The following TBCA variants were observed in gnomAD, a reference collection of about 807,000 sequenced individuals.
TBCA encodes tubulin folding cofactor A, also known as tubulin-specific chaperone A.
In TBCA, 6 loss-of-function variants were observed where a neutral mutation model predicts 15.8. The observed-to-expected ratio is 0.38, with a 90% confidence interval of 0.21 to 0.75. The LOEUF is 0.75. Ranked by LOEUF, TBCA falls within the 30% of genes least tolerant of loss-of-function variation. The pLI, the probability that TBCA is intolerant of heterozygous loss-of-function variation, is 0.46. For synonymous variants in TBCA, 32 were observed against 42.3 expected, an observed-to-expected ratio of 0.76 and a Z score of 0.94; for missense variants, 90 against 131.2, an observed-to-expected ratio of 0.69 and a Z score of 1.53.
chr5:77,735,748 C>T (rs1746885893), intron 1 of TBCA, among the ~76,000 whole-genome samples: 2 of 152,118 alleles, frequency 1.3e-5, no homozygotes, highest in Admixed American at 6.6e-5. Context: ...CTTAATTTGT[C>T]CTTCATTCAC....
chr5:77,760,885 G>A (rs372181717), intron 1 of TBCA, among the ~76,000 whole-genome samples: 99 of 150,524 alleles, frequency 6.6e-4, no homozygotes, highest in African/African-American at 1.3e-3. Flanking sequence ...GCCACCCATC[G>A]TCTGGGATGT....
At chr5:77,758,033 G>A (rs1747516952) in intron 1 of TBCA, among the ~76,000 whole-genome samples, 1 of 152,188 alleles carries the variant, frequency 6.6e-6, no homozygotes, top group Non-Finnish European at 1.5e-5. Flanking sequence ...ATCAGGAGCA[G>A]AAGTTTATTA....
chr5:77,696,421 A>C (rs903394346), intron 2 of TBCA, among the ~76,000 whole-genome samples: 3 of 152,124 alleles, frequency 2.0e-5, no homozygotes, highest in Non-Finnish European at 4.4e-5. Flanking sequence ...GAAGAATCTT[A>C]AGTCAAAGAA....
intron 2 of TBCA, among the ~76,000 whole-genome samples, chr5:77,704,547 C>T (rs184966411): frequency 4.1e-4 from 63 of 152,260 alleles, no homozygotes; most frequent in African/African-American, 1.5e-3. Context: ...CCACAAAATG[C>T]AGCACTTGGC....
At chr5:77,710,767 T>C (rs1468114923) in intron 1 of TBCA, among the ~76,000 whole-genome samples, 1 of 152,212 alleles carries the variant, frequency 6.6e-6, no homozygotes, top group East Asian at 1.9e-4. Flanking sequence ...CACTTGGCCT[T>C]TGCACGCCTT....
chr5:77,717,838 A>G (rs1433073826), intron 1 of TBCA, among the ~76,000 whole-genome samples: 1 of 135,230 alleles, frequency 7.4e-6, no homozygotes, highest in Non-Finnish European at 1.6e-5. Context: ...GTCTCAAAAG[A>G]AAAAAAAAAG....
chr5:77,738,367 CTAAG>C (rs1394896107), intron 1 of TBCA, among the ~76,000 whole-genome samples: 1 of 152,102 alleles, frequency 6.6e-6, no homozygotes, highest in African/African-American at 2.4e-5. Context: ...ATATATGGCC[CTAAG>C]TAAGTTACTT....
At chr5:77,734,448 A>G (rs1746847142) in intron 1 of TBCA, among the ~76,000 whole-genome samples, 1 of 152,210 alleles carries the variant, frequency 6.6e-6, no homozygotes, top group South Asian at 2.1e-4. Flanking sequence ...GGGGAAGTTG[A>G]TTCTAACCTG....
intron 1 of TBCA, among the ~76,000 whole-genome samples, chr5:77,746,361 A>G (rs1016467508): frequency 1.3e-5 from 2 of 152,196 alleles, no homozygotes; most frequent in East Asian, 1.9e-4. Context: ...GACAAGTGGG[A>G]CATTAAATTG....
At chr5:77,747,491 C>T (rs1336553802) in intron 1 of TBCA, among the ~76,000 whole-genome samples, 1 of 152,076 alleles carries the variant, frequency 6.6e-6, no homozygotes, top group Non-Finnish European at 1.5e-5. Flanking sequence ...CTATAAGAAT[C>T]AGATATGGCA....
intron 1 of TBCA, among the ~76,000 whole-genome samples, chr5:77,711,658 GAAC>G (rs1346197158): frequency 1.3e-5 from 2 of 152,054 alleles, no homozygotes; most frequent in African/African-American, 4.8e-5. Flanking sequence ...TGAGCAATAA[GAAC>G]AACATGGTAA....
At chr5:77,740,829 G>T (rs1747014707) in intron 1 of TBCA, among the ~76,000 whole-genome samples, 1 of 151,988 alleles carries the variant, frequency 6.6e-6, no homozygotes, top group African/African-American at 2.4e-5. Flanking sequence ...TTAAGTAAGG[G>T]TAAGCTACAC....
chr5:77,728,663 C>G (rs1241163850), intron 1 of TBCA, among the ~76,000 whole-genome samples: 1 of 152,056 alleles, frequency 6.6e-6, no homozygotes, highest in African/African-American at 2.4e-5. Context: ...TGCTTAAAAA[C>G]AAAGCAAATT....
chr5:77,736,894 C>G lies in TBCA; in HGVS notation c.54-28547G>C, dbSNP rs547217530. On this transcript the variant is annotated intron_variant, in intron 1 of 3. Transcript: ENST00000380377. ...ACTCAACAGTCATTCTGCCCAATTG[C>G]ATCACAAATCATATAGATGATGGGT... Among the ~76,000 whole-genome samples the G allele has an allele frequency of 1.9e-4, 29 of 152,310 alleles. No homozygotes were observed. The South Asian group carries it at 6.0e-3, about 32-fold the overall frequency.
intron 2 of TBCA, among the ~76,000 whole-genome samples, chr5:77,707,449 G>C (rs1051546347): frequency 6.6e-6 from 1 of 152,022 alleles, no homozygotes; most frequent in African/African-American, 2.4e-5. Flanking sequence ...GGAGAGGGTA[G>C]GTAAGGCCAG....
chr5:77,748,736 C>T (rs2112489532), intron 1 of TBCA, among the ~76,000 whole-genome samples: 1 of 152,156 alleles, frequency 6.6e-6, no homozygotes, highest in South Asian at 2.1e-4. Context: ...TTTTGACTCC[C>T]CAAAAACTTT....
chr5:77,700,744 A>G (rs893213656), intron 2 of TBCA, among the ~76,000 whole-genome samples: 1 of 152,220 alleles, frequency 6.6e-6, no homozygotes. Flanking sequence ...TATGTTCAAG[A>G]GTAGAGAACC....
intron 1 of TBCA, chr5:77,715,406 T>G (rs1746374548): frequency 3.3e-6 from 2 of 614,886 alleles, no homozygotes; most frequent in African/African-American, 1.8e-5. Flanking sequence ...TGAGCTCTTA[T>G]GAAAACATCT....
intron 1 of TBCA, among the ~76,000 whole-genome samples, chr5:77,738,722 A>G (rs542302692): frequency 1.3e-5 from 2 of 152,268 alleles, no homozygotes; most frequent in East Asian, 3.9e-4. Flanking sequence ...AGCTGGGATT[A>G]CAGGCATCTG....
Sources: allele counts gnomAD v4.1 joint callset (sites outside exome capture counted in the v4.1 genomes callset), GRCh38; gene constraint gnomAD v4.1.1; transcripts MANE v1.5; gene names NCBI Gene and HGNC (gene_info 2026-07-23, HGNC 2026-07-21).